DIAPH3: variants seen among roughly 807,000 people sequenced by gnomAD.
DIAPH3 encodes the protein diaphanous related formin 3.
Under a neutral mutation model 144.3 loss-of-function variants are expected in DIAPH3, and 117 were observed. The observed-to-expected ratio is 0.81, with a 90% CI of 0.70 to 0.95. The LOEUF is 0.95. Among genes scored for constraint, DIAPH3 ranks in the 40% least tolerant of loss-of-function variants. The pLI is 0.00. For missense variants in DIAPH3, 1,421 were observed against 1,412.7 expected (o/e 1.01, Z -0.09); for synonymous variants, 519 against 488.9 (o/e 1.06, Z -0.81).
chr13:60,074,357 T>G (rs1308685355), intron 4 of DIAPH3, among the ~76,000 whole-genome samples: 1 of 152,190 alleles, frequency 6.6e-6, no homozygotes, highest in African/African-American at 2.4e-5. Context: ...AAGACTGGAT[T>G]ATTTTAGGCT....
intron 4 of DIAPH3, among the ~76,000 whole-genome samples, chr13:60,052,531 G>A (rs77525843): frequency 0.028 from 4,194 of 152,130 alleles, 82 homozygotes; most frequent in Non-Finnish European, 0.043. Context: ...GGTATAAGAA[G>A]TCTGTCATAC....
chr13:60,118,908 G>A (rs1788291833), intron 2 of DIAPH3, among the ~76,000 whole-genome samples: 1 of 152,172 alleles, frequency 6.6e-6, no homozygotes, highest in Non-Finnish European at 1.5e-5. Context: ...ATCCGTCACA[G>A]CACACAGTAC....
chr13:59,734,188 CT>C (rs1260531405), intron 27 of DIAPH3, among the ~76,000 whole-genome samples: 2 of 152,058 alleles, frequency 1.3e-5, no homozygotes, highest in Admixed American at 6.6e-5. Context: ...TATTATCTTC[CT>C]TTTTTGGCTC....
At chr13:60,021,373 C>A (rs907894232) in intron 5 of DIAPH3, among the ~76,000 whole-genome samples, 2 of 152,138 alleles carry the variant, frequency 1.3e-5, no homozygotes, top group Admixed American at 6.5e-5. Flanking sequence ...GCCTGTAATC[C>A]CAACACTTTG....
intron 2 of DIAPH3, among the ~76,000 whole-genome samples, chr13:60,122,239 T>C (rs9317099): frequency 0.67 from 102,307 of 151,952 alleles, 34,842 homozygotes; most frequent in Admixed American, 0.76. Flanking sequence ...CATGTACAGG[T>C]TGTTCCTTGT....
At chr13:59,728,593 A>G (rs1196881205) in intron 27 of DIAPH3, among the ~76,000 whole-genome samples, 2 of 152,092 alleles carry the variant, frequency 1.3e-5, no homozygotes, top group Non-Finnish European at 2.9e-5. Flanking sequence ...TGTATTACCT[A>G]TTAAAAATAA....
rs555850718 is a variant in DIAPH3 at position 59,825,607 on chromosome 13, C to T, written c.3027+7500G>A. On this transcript the variant is annotated intron_variant, in intron 24 of 27. Transcript: ENST00000400324. Reference sequence around the variant, plus strand: ...CTAGTTCTAGATCCCTGAGGAATCGCCACACTGACTTCCACAATGGTTGAA... The same window carrying T: ...CTAGTTCTAGATCCCTGAGGAATCGTCACACTGACTTCCACAATGGTTGAA... Among the ~76,000 whole-genome samples the T allele has an allele frequency of 9.2e-5, 14 of 152,298 alleles. No individual in the cohort carries two copies. In the East Asian group the frequency reaches 1.9e-3, roughly 21 times the overall value.
chr13:59,831,317 A>G (rs2041766756), intron 24 of DIAPH3, among the ~76,000 whole-genome samples: 1 of 151,894 alleles, frequency 6.6e-6, no homozygotes, highest in Non-Finnish European at 1.5e-5. Context: ...AAAAGCCATT[A>G]TATTCACTGT....
At chr13:59,702,039 CTGTT>C (rs748932042) in intron 27 of DIAPH3, among the ~76,000 whole-genome samples, 10 of 152,292 alleles carry the variant, frequency 6.6e-5, no homozygotes, top group South Asian at 2.1e-4. Flanking sequence ...TTTCTTCTTA[CTGTT>C]TGTTTTCCTT....
At chr13:59,802,881 T>A (rs1434922199) in intron 25 of DIAPH3, among the ~76,000 whole-genome samples, 2 of 149,974 alleles carry the variant, frequency 1.3e-5, no homozygotes, top group Admixed American at 6.7e-5. Context: ...AGACGGGGTT[T>A]CACCTTGTTA....
chr13:60,106,095 A>G (rs2058411968), intron 3 of DIAPH3, among the ~76,000 whole-genome samples: 2 of 152,270 alleles, frequency 1.3e-5, no homozygotes, highest in South Asian at 2.1e-4. Flanking sequence ...TACCAAAAAT[A>G]TCAAAAGAAC....
chr13:59,812,413 G>T (rs1374745228), intron 24 of DIAPH3, among the ~76,000 whole-genome samples: 1 of 152,134 alleles, frequency 6.6e-6, no homozygotes, highest in Non-Finnish European at 1.5e-5. Context: ...GAGAGGAAAG[G>T]AAGGCGGAGA....
At chr13:59,727,705 C>T (rs1226868234) in intron 27 of DIAPH3, among the ~76,000 whole-genome samples, 3 of 151,998 alleles carry the variant, frequency 2.0e-5, no homozygotes, top group East Asian at 1.9e-4. Flanking sequence ...GTTAGGAAGA[C>T]GTGATGTAGA....
intron 12 of DIAPH3, among the ~76,000 whole-genome samples, chr13:59,989,067 TAAAAAG>T (rs2051626644): frequency 6.6e-6 from 1 of 151,786 alleles, no homozygotes; most frequent in Admixed American, 6.6e-5. Context: ...CTACTGTTTG[TAAAAAG>T]AAAAAGAAAA....
At chr13:60,145,494 C>A (rs1357344747) in intron 1 of DIAPH3, among the ~76,000 whole-genome samples, 1 of 151,990 alleles carries the variant, frequency 6.6e-6, no homozygotes, top group Non-Finnish European at 1.5e-5. Context: ...AAAAAAAATA[C>A]AAAAAATTAG....
At chr13:59,872,023 T>A (rs2044311224) in intron 21 of DIAPH3, among the ~76,000 whole-genome samples, 1 of 152,198 alleles carries the variant, frequency 6.6e-6, no homozygotes, top group Admixed American at 6.5e-5. Context: ...AAAGACTCAA[T>A]CAGATATTGG....
intron 22 of DIAPH3, among the ~76,000 whole-genome samples, chr13:59,846,046 A>T (rs954503202): frequency 6.6e-6 from 1 of 152,206 alleles, no homozygotes; most frequent in Non-Finnish European, 1.5e-5. Context: ...GCTTTCCTCC[A>T]AGTGTCTTAT....
chr13:60,071,086 C>T (rs1204824721), intron 4 of DIAPH3, among the ~76,000 whole-genome samples: 1 of 152,140 alleles, frequency 6.6e-6, no homozygotes, highest in Non-Finnish European at 1.5e-5. Context: ...GTTATGGATA[C>T]AATGGCTAAT....
rs1594278216 is a variant in DIAPH3, at chr13:59,998,385, C to G, written c.1015-5802G>C. ...ATGGCTTTAAATTCTTGAGTATAAG[C>G]TTCTTAAGGGCAGAGGTGTATTTCA... On this transcript the variant is annotated intron_variant, in intron 9 of 27. Transcript: ENST00000400324. 2.0e-5 allele frequency among the ~76,000 whole-genome samples: 3 copies of G among 152,194 alleles called. 1 individual carries two copies. The highest frequency in any genetic ancestry group is 2.0e-4 in the Admixed American group (3 of 15,274).
Sources: gnomAD v4.1 joint callset for allele counts (sites outside exome capture counted in the v4.1 genomes callset) on GRCh38, gnomAD v4.1.1 for gene constraint, MANE v1.5 for transcripts, NCBI Gene and HGNC (gene_info 2026-07-23, HGNC 2026-07-21) for gene names.